Variants in BCAR3 observed in about 807,000 individuals in gnomAD.
BCAR3 encodes the protein BCAR3 adaptor protein, NSP family member, also known as breast cancer anti-estrogen resistance protein 3.
BCAR3 carries 37 observed loss-of-function variants against 80.1 expected under a neutral mutation model. The observed-to-expected ratio is 0.46, with a 90% CI of 0.36 to 0.61. The LOEUF is 0.61. Among genes scored for constraint, BCAR3 ranks in the 20% least tolerant of loss-of-function variants. The pLI is 0.00. For missense variants in BCAR3, 978 were observed against 1,068.2 expected (o/e 0.92, Z 1.18); for synonymous variants, 389 against 418.9 (o/e 0.93, Z 0.87).
chr1:93,826,573 G>A (rs1271743652), intron 2 of BCAR3, among the ~76,000 whole-genome samples: 1 of 152,186 alleles, frequency 6.6e-6, no homozygotes, highest in Non-Finnish European at 1.5e-5. Context: ...CCGTGTGCAG[G>A]AAGTGATCCT....
At chr1:93,814,824 G>A (rs550564822) in intron 2 of BCAR3, among the ~76,000 whole-genome samples, 1 of 152,318 alleles carries the variant, frequency 6.6e-6, no homozygotes, top group African/African-American at 2.4e-5. Flanking sequence ...GCATCAAACA[G>A]GTTTAATCCA....
intron 2 of BCAR3, among the ~76,000 whole-genome samples, chr1:93,663,200 T>G (rs1647744031): frequency 6.6e-6 from 1 of 152,228 alleles, no homozygotes; most frequent in South Asian, 2.1e-4. Flanking sequence ...CACAAGCCCC[T>G]CTCTTTGGTC....
chr1:93,691,617 C>T (rs1209230575), intron 3 of BCAR3, among the ~76,000 whole-genome samples: 1 of 152,126 alleles, frequency 6.6e-6, no homozygotes, highest in Non-Finnish European at 1.5e-5. Context: ...CAGCCTCCTG[C>T]TTGTGCCTGT....
At chr1:93,641,278 G>C (rs930475810) in intron 3 of BCAR3, among the ~76,000 whole-genome samples, 1 of 152,206 alleles carries the variant, frequency 6.6e-6, no homozygotes, top group Admixed American at 6.5e-5. Flanking sequence ...TTTAAAGAGG[G>C]AGGAAATGGC....
intron 2 of BCAR3, among the ~76,000 whole-genome samples, chr1:93,833,461 C>T (rs2100837513): frequency 6.6e-6 from 1 of 152,262 alleles, no homozygotes; most frequent in South Asian, 2.1e-4. Context: ...CTGGAATTTC[C>T]TAATCCTAGC....
At chr1:93,762,765 C>T (rs1651996802) in intron 2 of BCAR3, among the ~76,000 whole-genome samples, 1 of 152,092 alleles carries the variant, frequency 6.6e-6, no homozygotes, top group Non-Finnish European at 1.5e-5. Context: ...CAGCCTGATC[C>T]CAACCTCTTT....
intron 5 of BCAR3, among the ~76,000 whole-genome samples, chr1:93,584,817 CAATTCAGACTGGG>C (rs1228198854): frequency 2.0e-5 from 3 of 152,234 alleles, no homozygotes; most frequent in Non-Finnish European, 4.4e-5. Flanking sequence ...TGTCCCTTTC[CAATTCAGACTGGG>C]AATTTCTCCA....
intron 7 of BCAR3, among the ~76,000 whole-genome samples, chr1:93,582,090 G>C (rs1444702923): frequency 6.6e-6 from 1 of 152,220 alleles, no homozygotes; most frequent in Non-Finnish European, 1.5e-5. Context: ...GGCAAAGGTT[G>C]TCCCAGCTTG....
At chr1:93,754,294 C>T (rs886994132) in intron 2 of BCAR3, 4 of 152,168 alleles carry the variant, frequency 2.6e-5, no homozygotes, top group Admixed American at 2.6e-4. Flanking sequence ...TTGGTGTTGT[C>T]AACACAGAGA....
intron 2 of BCAR3, among the ~76,000 whole-genome samples, chr1:93,766,644 T>TTA (rs1436578945): frequency 2.0e-5 from 3 of 152,262 alleles, no homozygotes; most frequent in African/African-American, 7.2e-5. Context: ...GCCTTCCTCT[T>TTA]TCTTAGAGTC....
intron 2 of BCAR3, among the ~76,000 whole-genome samples, chr1:93,653,621 C>T (rs1354825032): frequency 1.3e-5 from 2 of 152,198 alleles, no homozygotes; most frequent in Non-Finnish European, 2.9e-5. Flanking sequence ...AAGCCCCTGA[C>T]TCCAGAGAGG....
intron 3 of BCAR3, among the ~76,000 whole-genome samples, chr1:93,606,145 A>T (rs1400720366): frequency 6.6e-6 from 1 of 152,214 alleles, no homozygotes; most frequent in East Asian, 1.9e-4. Context: ...GTCACTTTAA[A>T]GGTATATTCC....
At chr1:93,753,808 G>C (rs1249334845) in intron 2 of BCAR3, 1 of 150,942 alleles carries the variant, frequency 6.6e-6, no homozygotes, top group Non-Finnish European at 1.5e-5. Context: ...TTGCAGAGAA[G>C]AGCAGATAAG....
At chr1:93,719,355 T>TTTG (rs1557665207) in intron 2 of BCAR3, among the ~76,000 whole-genome samples, 1 of 144,246 alleles carries the variant, frequency 6.9e-6, no homozygotes, top group African/African-American at 2.6e-5. Flanking sequence ...TTTTTTTTTT[T>TTTG]TTTTGAGACA....
chr1:93,745,867 C>T (rs191877309), intron 2 of BCAR3, among the ~76,000 whole-genome samples: 56 of 152,234 alleles, frequency 3.7e-4, no homozygotes, highest in African/African-American at 1.3e-3. Context: ...TAGTAAGACC[C>T]CATCTCTATT....
intron 2 of BCAR3, among the ~76,000 whole-genome samples, chr1:93,785,024 C>A (rs905212377): frequency 2.0e-5 from 3 of 152,138 alleles, no homozygotes; most frequent in African/African-American, 7.2e-5. Context: ...AAAGGGCCAG[C>A]CTGGAAGGGA....
At chr1:93,766,437 G>A (rs1261441808) in intron 2 of BCAR3, among the ~76,000 whole-genome samples, 2 of 152,258 alleles carry the variant, frequency 1.3e-5, no homozygotes, top group African/African-American at 4.8e-5. Context: ...CCTTCCTCCA[G>A]ACTGAGAAGC....
intron 3 of BCAR3, among the ~76,000 whole-genome samples, chr1:93,638,443 G>A (rs1312245141): frequency 1.3e-5 from 2 of 152,196 alleles, no homozygotes; most frequent in Non-Finnish European, 2.9e-5. Flanking sequence ...ACTGGACACA[G>A]TGTAATTGTG....
chr1:93,751,522 T>C (rs1223715587), intron 2 of BCAR3, among the ~76,000 whole-genome samples: 3 of 152,178 alleles, frequency 2.0e-5, no homozygotes, highest in African/African-American at 4.8e-5. Flanking sequence ...AATCCTGCCA[T>C]GCCTCGGGCT....
Sources: gnomAD v4.1 joint callset for allele counts (sites outside exome capture counted in the v4.1 genomes callset) on GRCh38, gnomAD v4.1.1 for gene constraint, MANE v1.5 for transcripts, NCBI Gene and HGNC (gene_info 2026-07-23, HGNC 2026-07-21) for gene names.